Variants in HS6ST3 observed in about 807,000 individuals in gnomAD.
HS6ST3 encodes the protein heparan sulfate 6-O-sulfotransferase 3.
HS6ST3 carries 12 observed loss-of-function variants against 36.7 expected under a neutral mutation model. That is an observed-to-expected ratio of 0.33 (90% CI 0.21 to 0.53). The LOEUF (loss-of-function observed/expected upper bound fraction) is 0.53. Ranked by LOEUF, HS6ST3 falls within the 20% of genes least tolerant of loss-of-function variation. HS6ST3 has a pLI of 0.95. For synonymous variants in HS6ST3, 240 were observed against 257.5 expected, an observed-to-expected ratio of 0.93 and a Z score of 0.65; for missense variants, 584 against 640.9, an observed-to-expected ratio of 0.91 and a Z score of 0.96.
intron 1 of HS6ST3, among the ~76,000 whole-genome samples, chr13:96,322,383 GAAA>G (rs112941484): frequency 3.0e-4 from 32 of 107,212 alleles, no homozygotes; most frequent in Non-Finnish European, 3.4e-4. Context: ...CATCTCTCCA[GAAA>G]AAAAAAAAAA....
intron 1 of HS6ST3, among the ~76,000 whole-genome samples, chr13:96,760,536 T>C (rs1876945035): frequency 6.6e-6 from 1 of 152,174 alleles, no homozygotes; most frequent in Non-Finnish European, 1.5e-5. Flanking sequence ...TAAATATTAT[T>C]TTAAAATCTG....
At chr13:96,449,967 A>G (rs1047056642) in intron 1 of HS6ST3, among the ~76,000 whole-genome samples, 7 of 152,226 alleles carry the variant, frequency 4.6e-5, no homozygotes, top group Non-Finnish European at 1.0e-4. Flanking sequence ...TATGAAAACT[A>G]CAGATAAAAC....
At chr13:96,583,498 A>G (rs893170168) in intron 1 of HS6ST3, among the ~76,000 whole-genome samples, 1 of 151,518 alleles carries the variant, frequency 6.6e-6, no homozygotes, top group African/African-American at 2.4e-5. Flanking sequence ...AGATGTGAGC[A>G]CCCGCCCAAT....
chr13:96,527,850 T>C (rs1022309077), intron 1 of HS6ST3, among the ~76,000 whole-genome samples: 9 of 152,114 alleles, frequency 5.9e-5, no homozygotes, highest in Admixed American at 5.9e-4. Flanking sequence ...CACAGACCCC[T>C]GGAGATCCCA....
chr13:96,804,641 T>A (rs1878155356), intron 1 of HS6ST3, among the ~76,000 whole-genome samples: 1 of 152,174 alleles, frequency 6.6e-6, no homozygotes, highest in African/African-American at 2.4e-5. Flanking sequence ...GCGATTGTGA[T>A]GTGTTCCCAG....
At chr13:96,496,000 G>T (rs2138909293) in intron 1 of HS6ST3, among the ~76,000 whole-genome samples, 1 of 152,302 alleles carries the variant, frequency 6.6e-6, no homozygotes, top group South Asian at 2.1e-4. Flanking sequence ...TGTTAATTGG[G>T]CCTTGCAAGG....
At chr13:96,405,734 T>G (rs1174881850) in intron 1 of HS6ST3, among the ~76,000 whole-genome samples, 1 of 152,228 alleles carries the variant, frequency 6.6e-6, no homozygotes, top group Non-Finnish European at 1.5e-5. Flanking sequence ...TTTTCCTTGG[T>G]GCAAAAGGCC....
intron 1 of HS6ST3, among the ~76,000 whole-genome samples, chr13:96,422,582 A>G (rs1297483168): frequency 6.6e-6 from 1 of 152,200 alleles, no homozygotes; most frequent in Non-Finnish European, 1.5e-5. Context: ...TGAAGGAGCA[A>G]TTGCCACTAT....
At position 96,194,795 on chromosome 13, in the gene HS6ST3, A is replaced by C. The variant is rs1050169682; in HGVS notation, c.707+103226A>C. On this transcript the variant is annotated intron_variant, in intron 1 of 1. Transcript: ENST00000376705. ...TTTCACTCACCCCCAAGCCTCTGGC[A>C]ACCACTGTTCTACTCTGTTCCTATT... Among the ~76,000 whole-genome samples, 4 of 146,656 alleles carry C rather than the reference A, an allele frequency of 2.7e-5. No homozygotes were observed. The Admixed American group carries it at 2.8e-4, about 10-fold the overall frequency.
intron 1 of HS6ST3, among the ~76,000 whole-genome samples, chr13:96,732,996 A>G (rs1318498209): frequency 3.9e-5 from 6 of 152,218 alleles, no homozygotes; most frequent in African/African-American, 2.4e-5. Context: ...ATATCCTGCA[A>G]CTTTACTAAA....
chr13:96,111,695 G>A (rs2053868929), intron 1 of HS6ST3, among the ~76,000 whole-genome samples: 1 of 152,178 alleles, frequency 6.6e-6, no homozygotes, highest in Admixed American at 6.5e-5. Flanking sequence ...CTATGAAACA[G>A]AGATTTTGGT....
At chr13:96,774,524 T>G (rs772045027) in intron 1 of HS6ST3, among the ~76,000 whole-genome samples, 7 of 152,058 alleles carry the variant, frequency 4.6e-5, no homozygotes, top group Admixed American at 2.6e-4. Flanking sequence ...CACGAGAACT[T>G]CGTGAAGCAT....
At chr13:96,739,549 A>G (rs971929792) in intron 1 of HS6ST3, among the ~76,000 whole-genome samples, 1 of 152,068 alleles carries the variant, frequency 6.6e-6, no homozygotes, top group Non-Finnish European at 1.5e-5. Flanking sequence ...TAAAATCGTT[A>G]GAGTCACTCT....
At chr13:96,812,929 A>G (rs1758343639) in intron 1 of HS6ST3, among the ~76,000 whole-genome samples, 1 of 152,160 alleles carries the variant, frequency 6.6e-6, no homozygotes, top group Non-Finnish European at 1.5e-5. Flanking sequence ...AGTCTGTTGT[A>G]GGATTATCAG....
Position 96,396,961 on chromosome 13 carries a change from G to C in HS6ST3, c.707+305392G>C, listed in dbSNP as rs2055425070. On this transcript the variant is annotated intron_variant, in intron 1 of 1. Transcript: ENST00000376705. ...CACACGCCTGTAATCCTTGCACTTT[G>C]GGAGGCCGAGGTGGGCAGAGTCACT... Among the ~76,000 whole-genome samples the C allele has an allele frequency of 2.0e-5, 3 of 152,168 alleles. No individual in the cohort carries two copies. In the South Asian group the frequency reaches 6.2e-4, roughly 31 times the overall value.
At chr13:96,498,572 T>G (rs982568598) in intron 1 of HS6ST3, among the ~76,000 whole-genome samples, 2 of 152,178 alleles carry the variant, frequency 1.3e-5, no homozygotes, top group African/African-American at 4.8e-5. Flanking sequence ...ATTTCCTGTA[T>G]AGAATTTCTC....
rs116179355 is a variant in HS6ST3, at chr13:96,408,943, G to T, written c.707+317374G>T. Among the ~76,000 whole-genome samples the T allele has an allele frequency of 7.1e-3, 1,073 of 152,150 alleles. 10 individuals carry two copies. The highest frequency in any genetic ancestry group is 0.023 in the African/African-American group (965 of 41,518). ...CGTCTCAAAAAAAAAGAAAAGAAAA[G>T]AAAAGAAAATACTGTAATCGAACAT... On this transcript the variant is annotated intron_variant, in intron 1 of 1. Coordinates refer to ENST00000376705, the MANE Select transcript of HS6ST3 (RefSeq NM_153456.4).
At chr13:96,113,362 C>G (rs1054951369) in intron 1 of HS6ST3, among the ~76,000 whole-genome samples, 5 of 152,058 alleles carry the variant, frequency 3.3e-5, no homozygotes, top group African/African-American at 9.7e-5. Context: ...ACCCCTGCCC[C>G]CCATTAACAG....
chr13:96,151,525 T>C (rs1566894255), intron 1 of HS6ST3, among the ~76,000 whole-genome samples: 1 of 152,166 alleles, frequency 6.6e-6, no homozygotes, highest in African/African-American at 2.4e-5. Flanking sequence ...ACAGTGGTTA[T>C]CTTTTGGTGG....
Sources: allele counts gnomAD v4.1 joint callset (sites outside exome capture counted in the v4.1 genomes callset), GRCh38; gene constraint gnomAD v4.1.1; transcripts MANE v1.5; gene names NCBI Gene and HGNC (gene_info 2026-07-23, HGNC 2026-07-21).